FOXO3: variants seen among roughly 807,000 people sequenced by gnomAD.
The protein encoded by FOXO3 is forkhead box protein O3.
A neutral mutation model predicts 41.9 loss-of-function variants in FOXO3; 4 were observed. The ratio of observed to expected loss-of-function variants is 0.10; its 90% confidence interval spans 0.05 to 0.22. FOXO3 has a LOEUF of 0.22. FOXO3 is among the 10% of genes least tolerant of loss of function. The probability of loss-of-function intolerance (pLI) is 1.00; values close to 1 mark genes in which losing one functional copy is unlikely to be tolerated. For synonymous variants in FOXO3, 318 were observed against 389.3 expected (o/e 0.82, Z 2.16); for missense variants, 534 against 906.8 (o/e 0.59, Z 5.28).
intron 2 of FOXO3, 74 bp downstream of exon 2, chr6:108,664,963 T>A: frequency 1.4e-6 from 2 of 1,423,890 alleles, no homozygotes; most frequent in Non-Finnish European, 1.9e-6. Flanking sequence ...GCCTGTCTTC[T>A]CTTTACTTTG....
chr6:108,666,806 G>C (rs954141732), intron 2 of FOXO3, among the ~76,000 whole-genome samples: 4 of 152,156 alleles, frequency 2.6e-5, no homozygotes, highest in Non-Finnish European at 4.4e-5. Context: ...CAAGAAGTAA[G>C]ATGAACACTG....
At chr6:108,654,124 A>C (rs1269168399) in intron 1 of FOXO3, among the ~76,000 whole-genome samples, 1 of 151,682 alleles carries the variant, frequency 6.6e-6, no homozygotes, top group Non-Finnish European at 1.5e-5. Context: ...TAGAAATAGG[A>C]GAGTTTGTGG....
At chr6:108,619,817 A>G (rs1777616573) in intron 1 of FOXO3, among the ~76,000 whole-genome samples, 1 of 152,238 alleles carries the variant, frequency 6.6e-6, no homozygotes, top group Non-Finnish European at 1.5e-5. Flanking sequence ...ATCTGAAGTC[A>G]TGAGGATGTG....
intron 1 of FOXO3, among the ~76,000 whole-genome samples, chr6:108,614,955 C>T (rs962049142): frequency 2.0e-5 from 3 of 151,816 alleles, no homozygotes; most frequent in Non-Finnish European, 2.9e-5. Context: ...TTAATGGTTG[C>T]GCTAGGATTT....
intron 1 of FOXO3, among the ~76,000 whole-genome samples, chr6:108,578,955 C>T (rs1170711628): frequency 6.6e-6 from 1 of 152,170 alleles, no homozygotes; most frequent in Non-Finnish European, 1.5e-5. Flanking sequence ...TTGTCAGTAT[C>T]ATTGGACTCT....
chr6:108,630,834 TC>T (rs1286267788), intron 1 of FOXO3, among the ~76,000 whole-genome samples: 1 of 152,204 alleles, frequency 6.6e-6, no homozygotes, highest in Non-Finnish European at 1.5e-5. Flanking sequence ...TGCCCTTTCT[TC>T]CTATTTTCTC....
chr6:108,567,995 C>T (rs1273809104), intron 1 of FOXO3, among the ~76,000 whole-genome samples: 2 of 151,952 alleles, frequency 1.3e-5, no homozygotes, highest in African/African-American at 4.8e-5. Context: ...TTGCAGTGAG[C>T]CAAGATTGTG....
At chr6:108,593,321 G>A (rs953988974) in intron 1 of FOXO3, among the ~76,000 whole-genome samples, 1 of 152,204 alleles carries the variant, frequency 6.6e-6, no homozygotes, top group Non-Finnish European at 1.5e-5. Context: ...TGGGCTTAAG[G>A]AAAGCTAAAT....
chr6:108,595,760 G>GT (rs1554212819), intron 1 of FOXO3, among the ~76,000 whole-genome samples: 1 of 152,130 alleles, frequency 6.6e-6, no homozygotes, highest in Non-Finnish European at 1.5e-5. Context: ...GTCTAAGGGA[G>GT]TTTTTTTGCA....
chr6:108,573,421 A>G (rs1776164890), intron 1 of FOXO3, among the ~76,000 whole-genome samples: 1 of 152,200 alleles, frequency 6.6e-6, no homozygotes. Flanking sequence ...TTGAATGCTC[A>G]TCTTCAGAGT....
At chr6:108,621,927 C>T (rs1228378767) in intron 1 of FOXO3, among the ~76,000 whole-genome samples, 2 of 152,034 alleles carry the variant, frequency 1.3e-5, no homozygotes, top group African/African-American at 4.8e-5. Flanking sequence ...TAAGGAGTAA[C>T]TGGCAAGTTT....
At chr6:108,567,616 A>G (rs1775981297) in intron 1 of FOXO3, among the ~76,000 whole-genome samples, 1 of 152,228 alleles carries the variant, frequency 6.6e-6, no homozygotes, top group Non-Finnish European at 1.5e-5. Context: ...GGGGTGGAGT[A>G]ACGGGTGTGT....
In FOXO3 at chr6:108,664,044, C is replaced by T. The variant is rs367581685; in HGVS notation, c.1211C>T (p.Thr404Ile). ...ITLPPSQPSP[T>I]GGLMQRSSSF... is the part of the protein sequence containing the mutation. The stretch of plus-strand genomic sequence containing the variant: ...CTCCCGCCATCCCAGCCATCGCCCA[C>T]TGGGGGACTCATGCAGCGGAGCTCT... The change falls in exon 2 of 3, where the codon ACT (threonine) becomes ATT (isoleucine). Residue 404 changes from threonine to isoleucine, a missense_variant. Transcript: ENST00000406360. The T allele has an allele frequency of 8.7e-6, 14 of 1,614,202 alleles. No homozygotes were observed. Among genetic ancestry groups the T allele is most frequent in the Middle Eastern group, 1.6e-4 (1 of 6,062 alleles).
chr6:108,594,229 A>C (rs1776811180), intron 1 of FOXO3, among the ~76,000 whole-genome samples: 1 of 152,192 alleles, frequency 6.6e-6, no homozygotes, highest in Admixed American at 6.5e-5. Context: ...AATTTGACTT[A>C]AGTTTTAACT....
intron 2 of FOXO3, among the ~76,000 whole-genome samples, chr6:108,665,249 G>A (rs961153029): frequency 3.7e-4 from 57 of 152,342 alleles, no homozygotes; most frequent in African/African-American, 1.3e-3. Flanking sequence ...AGAGGGATGG[G>A]AAGCTTGGGT....
upstream of FOXO3, among the ~76,000 whole-genome samples, chr6:108,560,495 CT>C (rs969489150): frequency 7.2e-5 from 11 of 152,318 alleles, no homozygotes; most frequent in Non-Finnish European, 1.0e-4. Context: ...CCCGTTCGCC[CT>C]CTGGCCCGCG....
chr6:108,569,358 G>A (rs190235290), intron 1 of FOXO3, among the ~76,000 whole-genome samples: 34 of 152,252 alleles, frequency 2.2e-4, no homozygotes, highest in African/African-American at 8.2e-4. Context: ...ACCAAACAAC[G>A]TTCATTTCCC....
At chr6:108,566,021 T>A (rs749523951) in intron 1 of FOXO3, among the ~76,000 whole-genome samples, 1 of 152,196 alleles carries the variant, frequency 6.6e-6, no homozygotes, top group African/African-American at 2.4e-5. Flanking sequence ...AATGTCGTTT[T>A]GTAATTTCCT....
At chr6:108,564,603 A>AT (rs1775905108) in intron 1 of FOXO3, among the ~76,000 whole-genome samples, 1 of 152,196 alleles carries the variant, frequency 6.6e-6, no homozygotes, top group Non-Finnish European at 1.5e-5. Flanking sequence ...TGTAACCAAA[A>AT]TTATCACCCT....
Sources: allele counts gnomAD v4.1 joint callset (sites outside exome capture counted in the v4.1 genomes callset), GRCh38; gene constraint gnomAD v4.1.1; transcripts MANE v1.5; gene names NCBI Gene and HGNC (gene_info 2026-07-23, HGNC 2026-07-21).